Variants in UBE3A observed in about 807,000 individuals in gnomAD.
UBE3A encodes ubiquitin protein ligase E3A, also known as ubiquitin-protein ligase E3A.
UBE3A carries 6 observed loss-of-function variants against 83.4 expected under a neutral mutation model. The ratio of observed to expected loss-of-function variants is 0.07; its 90% CI spans 0.04 to 0.14. UBE3A has a LOEUF of 0.14. Among genes scored for constraint, UBE3A ranks in the 10% least tolerant of loss-of-function variants. The probability of loss-of-function intolerance (pLI) is 1.00; values close to 1 mark genes in which losing one functional copy is unlikely to be tolerated. For synonymous variants in UBE3A, 337 were observed against 355.4 expected, an observed-to-expected ratio of 0.95 and a Z score of 0.58; for missense variants, 456 against 1,036.1, an observed-to-expected ratio of 0.44 and a Z score of 7.69.
chr15:25,389,046 T>A (rs2083717790), intron 4 of UBE3A, among the ~76,000 whole-genome samples: 1 of 152,126 alleles, frequency 6.6e-6, no homozygotes. Flanking sequence ...TGGACACTAC[T>A]GATTTCAAGA....
intron 4 of UBE3A, among the ~76,000 whole-genome samples, chr15:25,396,858 A>G (rs1278192995): frequency 6.6e-6 from 1 of 152,116 alleles, no homozygotes; most frequent in East Asian, 1.9e-4. Flanking sequence ...AACAAACAGG[A>G]GTGTTAACTG....
Position 25,336,276 on chromosome 15 carries a change from A to AAGTC in UBE3A, c.*2857_*2860dup, listed in dbSNP as rs1413753746. 2 of 152,194 alleles carry AAGTC rather than the reference A, an allele frequency of 1.3e-5. No individual in the cohort carries two copies. The highest frequency in any genetic ancestry group is 3.9e-4 in the East Asian group (2 of 5,182). The allele number at this position is 152,194 out of a possible 1,614,324, so 9.4% of individuals were successfully genotyped here. Reference sequence around the variant, plus strand: ...CAGATGGCCCTTAGACACTGGCGGAAAGTCAGAGAAAAAAAATTACAGTAA... The same window carrying AAGTC: ...CAGATGGCCCTTAGACACTGGCGGAAAGTCAGTCAGAGAAAAAAAATTACAGTAA... On this transcript the variant is annotated 3_prime_UTR_variant, in exon 13 of 13. Transcript: ENST00000648336.
intron 11 of UBE3A, among the ~76,000 whole-genome samples, chr15:25,342,749 G>C (rs909145466): frequency 6.6e-6 from 1 of 152,112 alleles, no homozygotes; most frequent in East Asian, 1.9e-4. Context: ...GAGCTACATC[G>C]AAGAGTGGCT....
At chr15:25,416,078 GAAT>G (rs1162427957) in intron 1 of UBE3A, among the ~76,000 whole-genome samples, 1 of 152,028 alleles carries the variant, frequency 6.6e-6, no homozygotes, top group African/African-American at 2.4e-5. Context: ...AACTTAAATG[GAAT>G]AATTAAAATC....
rs893380009 is a variant in UBE3A at position 25,416,991 on chromosome 15, C to T, written c.-164-5020G>A. Among the ~76,000 whole-genome samples, 16 of 152,162 alleles carry T rather than the reference C, an allele frequency of 1.1e-4. 1 individual carries two copies. Among genetic ancestry groups the T allele is most frequent in the African/African-American group, 3.9e-4 (16 of 41,504 alleles). ...AGTGGGTAAAATTGATGACAAGTGCCAGACAAGTGCTTGTCTGAGAAGGCA... is the reference window on the plus strand; with the variant it reads ...AGTGGGTAAAATTGATGACAAGTGCTAGACAAGTGCTTGTCTGAGAAGGCA... On this transcript the variant is annotated intron_variant, in intron 1 of 12. Coordinates refer to ENST00000648336, the MANE Select transcript of UBE3A (RefSeq NM_130839.5).
chr15:25,405,548 C>CAA (rs35086186), intron 3 of UBE3A, 46 bp from the exon 4 acceptor site: 195 of 1,556,504 alleles, frequency 1.3e-4, no homozygotes, highest in Middle Eastern at 1.7e-4. Flanking sequence ...TTCCATATTC[C>CAA]AAAAAAAAAG....
chr15:25,348,872 G>A (rs1490097152), intron 11 of UBE3A, among the ~76,000 whole-genome samples: 1 of 152,188 alleles, frequency 6.6e-6, no homozygotes, highest in African/African-American at 2.4e-5. Flanking sequence ...GTTAAAATGT[G>A]AATTCTCTCC....
At chr15:25,368,103 T>C (rs1327195739) in intron 6 of UBE3A, among the ~76,000 whole-genome samples, 1 of 151,934 alleles carries the variant, frequency 6.6e-6, no homozygotes, top group Non-Finnish European at 1.5e-5. Context: ...AAGTGGCCAC[T>C]AGTTTGTTCA....
chr15:25,426,969 A>G (rs1274725836), intron 1 of UBE3A, among the ~76,000 whole-genome samples: 1 of 151,948 alleles, frequency 6.6e-6, no homozygotes, highest in Non-Finnish European at 1.5e-5. Context: ...TATTTTTCAT[A>G]GGGATAAGGT....
intron 1 of UBE3A, among the ~76,000 whole-genome samples, chr15:25,435,053 TG>T (rs1170959947): frequency 7.5e-5 from 10 of 132,820 alleles, no homozygotes; most frequent in Non-Finnish European, 1.2e-4. Context: ...GATACTGGGG[TG>T]GTGGGCTGGG....
Position 25,335,856 on chromosome 15 carries a change from C to G in UBE3A, c.*3281G>C, listed in dbSNP as rs2073937312. On this transcript the variant is annotated 3_prime_UTR_variant, in exon 13 of 13. Transcript: ENST00000648336. ...AATTGGAGGAGTATCCATCTAAAAT[C>G]TGGGTAAACTGGGATGGAAAAACAA... The G allele has an allele frequency of 6.6e-6, 1 of 152,108 alleles. No homozygotes were observed. Among genetic ancestry groups the G allele is most frequent in the Non-Finnish European group, 1.5e-5 (1 of 68,036 alleles). The allele number at this position is 152,108 out of a possible 1,614,324, so 9.4% of individuals were successfully genotyped here. A position where few individuals can be genotyped will look rare whatever the true frequency, so the allele number is the denominator to read the frequency against.
rs2081091965 is a variant in UBE3A at position 25,375,722 on chromosome 15, T to C, written c.104A>G (p.His35Arg). Residue 35 changes from histidine to arginine, a missense_variant, in exon 5 of 13, where the codon CAC becomes CGC. Coordinates refer to ENST00000648336, the MANE Select transcript of UBE3A (RefSeq NM_130839.5). ...ATTTCCACAGCCCTCAGTTAACTGG[T>C]GGTAGTAGCGTTCTATTAGATGCTT... ...AAKHLIERYY[H>R]QLTEGCGNEA... The C allele has an allele frequency of 6.2e-7, 1 of 1,613,636 alleles. No homozygotes were observed. The highest frequency in any genetic ancestry group is 1.1e-5 in the South Asian group (1 of 91,072).
At chr15:25,393,396 G>A (rs1338683115) in intron 4 of UBE3A, among the ~76,000 whole-genome samples, 3 of 152,252 alleles carry the variant, frequency 2.0e-5, no homozygotes, top group South Asian at 2.1e-4. Context: ...ATTATGTTAA[G>A]AGGCAGACAG....
At chr15:25,434,383 C>T (rs1306715064) in intron 1 of UBE3A, among the ~76,000 whole-genome samples, 1 of 152,184 alleles carries the variant, frequency 6.6e-6, no homozygotes, top group Non-Finnish European at 1.5e-5. Flanking sequence ...GCCTGGGCAA[C>T]ACAGTGAGAC....
At chr15:25,431,508 A>C (rs1488148869) in intron 1 of UBE3A, among the ~76,000 whole-genome samples, 1 of 151,998 alleles carries the variant, frequency 6.6e-6, no homozygotes, top group Non-Finnish European at 1.5e-5. Flanking sequence ...ACGCCTAGCT[A>C]ATTTTTGTAT....
intron 2 of UBE3A, among the ~76,000 whole-genome samples, chr15:25,411,109 C>CA (rs1267126590): frequency 1.3e-5 from 2 of 152,200 alleles, no homozygotes; most frequent in African/African-American, 4.8e-5. Flanking sequence ...CAAAAGGCTC[C>CA]AAGGCCAGGC....
At chr15:25,340,618 T>TGGGTATATATTTTATTTATC (rs1172947385) in intron 11 of UBE3A, among the ~76,000 whole-genome samples, 5 of 152,142 alleles carry the variant, frequency 3.3e-5, no homozygotes, top group Non-Finnish European at 7.4e-5. Context: ...CAGGTGCCTT[T>TGGGTATATATTTTATTTATC]GGGTATATAT....
At chr15:25,419,612 G>T (rs1009849334) in intron 1 of UBE3A, 1 of 152,086 alleles carries the variant, frequency 6.6e-6, no homozygotes, top group African/African-American at 2.4e-5. Context: ...TGGTAAATAT[G>T]AAGGTAAATA....
Position 25,370,128 on chromosome 15 carries a change from T to G in UBE3A, c.1608+438A>C, listed in dbSNP as rs148151724. Among the ~76,000 whole-genome samples the G allele has an allele frequency of 0.011, 1,612 of 152,260 alleles. 25 individuals carry two copies. Among genetic ancestry groups the G allele is most frequent in the Middle Eastern group, 0.034 (10 of 294 alleles). On this transcript the variant is annotated intron_variant, in intron 6 of 12. Coordinates refer to ENST00000648336, the MANE Select transcript of UBE3A (RefSeq NM_130839.5). This position sits in a 1 kb window ranked among gnomAD's most constrained non-coding sequence, Gnocchi z 4.2. ...TTCATCAAGTCCACAATAATGCAAC[T>G]CTGAATTTTACACGATGGAATTTTT...
Sources: allele counts gnomAD v4.1 joint callset (sites outside exome capture counted in the v4.1 genomes callset), GRCh38; gene constraint gnomAD v4.1.1; non-coding constraint Gnocchi (gnomAD v3.1); transcripts MANE v1.5; gene names NCBI Gene and HGNC (gene_info 2026-07-23, HGNC 2026-07-21).